CPXM2: variants seen among roughly 807,000 people sequenced by gnomAD.
CPXM2 encodes carboxypeptidase X, M14 family member 2, also known as inactive carboxypeptidase-like protein X2.
Under a neutral mutation model 86.1 loss-of-function variants are expected in CPXM2, and 66 were observed. That is an observed-to-expected ratio of 0.77 (90% CI 0.63 to 0.94). CPXM2 has a LOEUF of 0.94. Among genes scored for constraint, CPXM2 ranks in the 40% least tolerant of loss-of-function variants. The probability of loss-of-function intolerance (pLI) is 0.00; values close to 1 mark genes in which losing one functional copy is unlikely to be tolerated. For synonymous variants in CPXM2, 388 were observed against 400.2 expected (o/e 0.97, Z 0.36); for missense variants, 948 against 1,026.3 (o/e 0.92, Z 1.04).
chr10:123,782,724 C>T (rs1359759791), intron 6 of CPXM2, among the ~76,000 whole-genome samples: 2 of 152,098 alleles, frequency 1.3e-5, no homozygotes, highest in African/African-American at 2.4e-5. Context: ...CAAGAGAAGC[C>T]CTTCCTCCTG....
Position 123,885,691 on chromosome 10 carries a change from G to T in CPXM2, c.305-5382C>A, listed in dbSNP as rs1419633355. On this transcript the variant is annotated intron_variant, in intron 1 of 13. Coordinates refer to ENST00000241305, the MANE Select transcript of CPXM2 (RefSeq NM_198148.3). The surrounding 1 kb of genome is among the most constrained non-coding windows in gnomAD (Gnocchi z 4.0). ...TGACCCCAGAGTGGTAGCTGCAGTG[G>T]CTGGGGCCTGAGAGGGCCACAGAGG... Among the ~76,000 whole-genome samples the T allele has an allele frequency of 2.0e-5, 3 of 152,196 alleles. No homozygotes were observed. The highest frequency in any genetic ancestry group is 4.4e-5 in the Non-Finnish European group (3 of 68,050).
intron 2 of CPXM2, among the ~76,000 whole-genome samples, chr10:123,930,138 T>G (rs888730340): frequency 1.3e-5 from 2 of 152,186 alleles, no homozygotes; most frequent in Admixed American, 1.3e-4. Context: ...AAAGGCCACC[T>G]CACAGTGACA....
intron 3 of CPXM2, among the ~76,000 whole-genome samples, chr10:123,846,607 C>CA (rs1029798835): frequency 6.6e-6 from 1 of 151,924 alleles, no homozygotes; most frequent in South Asian, 2.1e-4. Context: ...GGATGCACTC[C>CA]AAAAAAATGA....
intron 1 of CPXM2, among the ~76,000 whole-genome samples, chr10:123,880,869 G>T (rs1427021566): frequency 6.9e-6 from 1 of 144,894 alleles, no homozygotes; most frequent in Non-Finnish European, 1.5e-5. Flanking sequence ...AATACCTTTG[G>T]GTAGTACATT....
intron 2 of CPXM2, among the ~76,000 whole-genome samples, chr10:123,912,521 C>T (rs540738201): frequency 2.6e-5 from 4 of 152,214 alleles, no homozygotes; most frequent in African/African-American, 4.8e-5. Flanking sequence ...GACATTGCAC[C>T]GGTGTGGAAA....
chr10:123,824,592 G>T (rs1848006932), intron 4 of CPXM2, among the ~76,000 whole-genome samples: 1 of 152,176 alleles, frequency 6.6e-6, no homozygotes, highest in East Asian at 1.9e-4. Context: ...CAAGCAGGGA[G>T]ATTTGCTGCA....
At chr10:123,883,296 C>T (rs995644524) in intron 1 of CPXM2, among the ~76,000 whole-genome samples, 2 of 152,216 alleles carry the variant, frequency 1.3e-5, no homozygotes, top group Non-Finnish European at 2.9e-5. Context: ...CCAGCACCTT[C>T]GCTGGGGAGG....
chr10:123,893,578 C>T (rs966225031), upstream of CPXM2, among the ~76,000 whole-genome samples: 7 of 152,158 alleles, frequency 4.6e-5, no homozygotes, highest in African/African-American at 1.4e-4. Context: ...CTCTGGAATC[C>T]AGAGCCAGCA....
At chr10:123,806,757 T>G (rs1020844600) in intron 4 of CPXM2, among the ~76,000 whole-genome samples, 14 of 151,002 alleles carry the variant, frequency 9.3e-5, no homozygotes, top group African/African-American at 3.4e-4. Flanking sequence ...AGAGAGAGAG[T>G]ACAGGAGAAA....
intron 4 of CPXM2, among the ~76,000 whole-genome samples, chr10:123,829,250 G>C (rs1289785063): frequency 1.3e-5 from 2 of 152,218 alleles, no homozygotes; most frequent in African/African-American, 2.4e-5. Flanking sequence ...CCAGAAACTG[G>C]ATCACTCAGA....
chr10:123,828,863 G>T (rs1793131081), intron 4 of CPXM2, among the ~76,000 whole-genome samples: 1 of 152,188 alleles, frequency 6.6e-6, no homozygotes, highest in South Asian at 2.1e-4. Context: ...GCAGGAAATT[G>T]AACTTGGTTG....
At chr10:123,780,133 T>A (rs759778768) in intron 7 of CPXM2, 34 bp downstream of exon 7, 1 of 1,399,266 alleles carries the variant, frequency 7.1e-7, no homozygotes, top group South Asian at 1.2e-5. Flanking sequence ...TTTTGACAAA[T>A]TCCTGGCATG....
At chr10:123,873,278 T>G (rs112861180) in intron 2 of CPXM2, among the ~76,000 whole-genome samples, 3,700 of 152,062 alleles carry the variant, frequency 0.024, 153 homozygotes, top group African/African-American at 0.082. Context: ...AAATTAAAAG[T>G]ATCACAGAAT....
upstream of CPXM2, among the ~76,000 whole-genome samples, chr10:123,941,013 T>C (rs1383862012): frequency 1.4e-5 from 2 of 146,814 alleles, no homozygotes; most frequent in Admixed American, 7.0e-5. Context: ...CTACTAAAAA[T>C]ACAAAAGATT....
In CPXM2 at chr10:123,770,979, T is replaced by C; in HGVS notation, c.1039A>G (p.Ser347Gly). ...NITRIYNIGK[S>G]HQGLKLYAVE... is the part of the protein sequence containing the mutation. Reference sequence around the variant, plus strand: ...GCATACAGCTTCAGGCCCTGGTGGCTTTTTCCAATGTTGTAAATTCTGGTG... The same window carrying C: ...GCATACAGCTTCAGGCCCTGGTGGCCTTTTCCAATGTTGTAAATTCTGGTG... Residue 347 changes from serine to glycine, a missense_variant, in exon 8 of 14, where the codon AGC becomes GGC. Physicochemically the swap from Ser to Gly is moderately conservative, Grantham distance 56. Coordinates refer to ENST00000241305, the MANE Select transcript of CPXM2 (RefSeq NM_198148.3). 3 of 1,613,530 alleles carry C rather than the reference T, an allele frequency of 1.9e-6. No individual in the cohort carries two copies. Among genetic ancestry groups the C allele is most frequent in the Non-Finnish European group, 2.5e-6 (3 of 1,179,462 alleles).
chr10:123,900,422 T>C (rs528419006), intron 2 of CPXM2, among the ~76,000 whole-genome samples: 1 of 152,340 alleles, frequency 6.6e-6, no homozygotes, highest in South Asian at 2.1e-4. Flanking sequence ...GAACAGGCTA[T>C]TTACAGAAGT....
At position 123,803,118 on chromosome 10, in the gene CPXM2, C is replaced by CTTTTTTTTTTTTTTTTTTTTTTT. The variant is rs532954173; in HGVS notation, c.654-3942_654-3920dup. ...TCCTTTTCATCCTCTTTGTAGTACCCTTTTTTTTTTTTTTTTTTTTTTTTT... is the reference window on the plus strand; with the variant it reads ...TCCTTTTCATCCTCTTTGTAGTACCCTTTTTTTTTTTTTTTTTTTTTTTTTTTTTTTTTTTTTTTTTTTTTTTT... On this transcript the variant is annotated intron_variant, in intron 4 of 13. Coordinates refer to ENST00000241305, the MANE Select transcript of CPXM2 (RefSeq NM_198148.3). Among the ~76,000 whole-genome samples the CTTTTTTTTTTTTTTTTTTTTTTT allele has an allele frequency of 1.3e-4, 8 of 63,634 alleles. 2 individuals carry two copies. Among genetic ancestry groups the CTTTTTTTTTTTTTTTTTTTTTTT allele is most frequent in the Non-Finnish European group, 2.2e-4 (7 of 32,530 alleles). The allele number at this position is 63,634 out of a possible 152,430, so 41.7% of individuals were successfully genotyped here.
chr10:123,866,033 A>G (rs1848971810), intron 2 of CPXM2, among the ~76,000 whole-genome samples: 1 of 151,306 alleles, frequency 6.6e-6, no homozygotes, highest in Non-Finnish European at 1.5e-5. Context: ...CCATCACACA[A>G]TGTTCTGCTC....
At chr10:123,867,535 T>C (rs1427739914) in intron 2 of CPXM2, among the ~76,000 whole-genome samples, 3 of 145,544 alleles carry the variant, frequency 2.1e-5, no homozygotes, top group Non-Finnish European at 4.5e-5. Context: ...TTCTTTTTTT[T>C]TTTTTTTTTT....
Sources: allele counts gnomAD v4.1 joint callset (sites outside exome capture counted in the v4.1 genomes callset), GRCh38; gene constraint gnomAD v4.1.1; non-coding constraint Gnocchi (gnomAD v3.1); transcripts MANE v1.5; gene names NCBI Gene and HGNC (gene_info 2026-07-23, HGNC 2026-07-21).